Variants in HS3ST1 observed in about 807,000 individuals in gnomAD.
The protein encoded by HS3ST1 is heparan sulfate-glucosamine 3-sulfotransferase 1.
In HS3ST1, 8 loss-of-function variants were observed where a neutral mutation model predicts 20.7. That is an observed-to-expected ratio of 0.39 (90% confidence interval 0.23 to 0.70). The LOEUF is 0.70. Ranked by LOEUF, HS3ST1 falls within the 30% of genes least tolerant of loss-of-function variation. HS3ST1 has a pLI of 0.46. For synonymous variants in HS3ST1, 205 were observed against 190.4 expected, an observed-to-expected ratio of 1.08 and a Z score of -0.63; for missense variants, 436 against 423.4, an observed-to-expected ratio of 1.03 and a Z score of -0.26.
Position 11,410,008 on chromosome 4 carries a change from A to G in HS3ST1, c.-108-9895T>C, listed in dbSNP as rs558658229. 2.0e-5 allele frequency among the ~76,000 whole-genome samples: 3 copies of G among 152,364 alleles called. No individual in the cohort carries two copies. In the South Asian group the frequency reaches 6.2e-4, roughly 32 times the overall value. On this transcript the variant is annotated intron_variant, in intron 1 of 1. Coordinates refer to ENST00000002596, the MANE Select transcript of HS3ST1 (RefSeq NM_005114.4). ...AAAAGTGCTGATTTTTAGGAATCTC[A>G]TAAATGGATATAAGTTGCCAAGTAA...
chr4:11,409,538 C>G (rs766245253), intron 1 of HS3ST1, among the ~76,000 whole-genome samples: 2 of 152,222 alleles, frequency 1.3e-5, no homozygotes, highest in African/African-American at 4.8e-5. Flanking sequence ...TGTGAAGGCA[C>G]AGGCAAAACG....
rs368125915 is a variant in HS3ST1 at position 11,426,139 on chromosome 4, C to T, written c.-109+2560G>A. Among the ~76,000 whole-genome samples, 110 of 152,292 alleles carry T rather than the reference C, an allele frequency of 7.2e-4. 1 individual carries two copies. The South Asian group carries it at 0.021, about 28-fold the overall frequency. ...CTCAATTTCATCAGGACACCAGATA[C>T]ATCTTACTGTGCCTTCCTCCAAACT... is the stretch of plus-strand genomic sequence containing the variant. On this transcript the variant is annotated intron_variant, in intron 1 of 1. Transcript: ENST00000002596.
At chr4:11,425,004 A>G (rs1719026919) in intron 1 of HS3ST1, among the ~76,000 whole-genome samples, 1 of 152,238 alleles carries the variant, frequency 6.6e-6, no homozygotes, top group Admixed American at 6.5e-5. Context: ...AAGAACAGAC[A>G]GGCCTGAATT....
rs533265556 is a variant in HS3ST1, at chr4:11,400,661, T to C, written c.-108-548A>G. ...GTCCCTGGCAAAGGGGCAGGTGATA[T>C]AGAAGCAGGCTTTGTTCCTGCCCCC... On this transcript the variant is annotated intron_variant, in intron 1 of 1. Transcript: ENST00000002596. Among the ~76,000 whole-genome samples the C allele has an allele frequency of 3.9e-5, 6 of 152,298 alleles. No homozygotes were observed. The South Asian group carries it at 8.3e-4, about 21-fold the overall frequency.
At chr4:11,430,533 A>G (rs1719183091), upstream of HS3ST1, among the ~76,000 whole-genome samples, 1 of 152,208 alleles carries the variant, frequency 6.6e-6, no homozygotes, top group Admixed American at 6.5e-5. Context: ...GAGTCCTTCA[A>G]AATACGGGGT....
rs1474638471 is a variant in HS3ST1 at position 11,396,120 on chromosome 4, C to G, written c.*2962G>C. The stretch of plus-strand genomic sequence containing the variant: ...AGCAGCAGGCACGCTAGGCATCGGC[C>G]TCTCCTGCCCTCCATCTCCTTTCAG... On this transcript the variant is annotated 3_prime_UTR_variant, in exon 2 of 2. Transcript: ENST00000002596. 6.6e-6 allele frequency: 1 copy of G among 152,208 alleles called. No homozygotes were observed. Among genetic ancestry groups the G allele is most frequent in the Non-Finnish European group, 1.5e-5 (1 of 68,054 alleles). The allele number at this position is 152,208 out of a possible 1,614,324, so 9.4% of individuals were successfully genotyped here.
Position 11,399,270 on chromosome 4 carries a change from A to G in HS3ST1, c.736T>C (p.Phe246Leu). The G allele has an allele frequency of 1.9e-6, 3 of 1,614,138 alleles. No individual in the cohort carries two copies. The highest frequency in any genetic ancestry group is 2.5e-6 in the Non-Finnish European group (3 of 1,180,026). The change falls in exon 2 of 2, where the codon TTC (phenylalanine) becomes CTC (leucine). Residue 246 changes from phenylalanine to leucine, a missense_variant. Coordinates refer to ENST00000002596, the MANE Select transcript of HS3ST1 (RefSeq NM_005114.4). The surrounding 1 kb of genome is among the most constrained non-coding windows in gnomAD (Gnocchi z 5.1). ...KLSPQINASN[F>L]YFNKTKGFYC... is the part of the protein sequence containing the mutation. Reference sequence around the variant, plus strand: ...AAGCCCTTGGTTTTGTTAAAGTAGAAGTTCGAAGCATTGATCTGCGGCGAC... The same window carrying G: ...AAGCCCTTGGTTTTGTTAAAGTAGAGGTTCGAAGCATTGATCTGCGGCGAC...
At chr4:11,422,946 C>T (rs968226497) in intron 1 of HS3ST1, among the ~76,000 whole-genome samples, 9 of 139,694 alleles carry the variant, frequency 6.4e-5, no homozygotes, top group Non-Finnish European at 1.2e-4. Context: ...TCCCTTGAAC[C>T]CAGGAGGCAG....
At chr4:11,423,238 GCCGGGTACATGGCAGA>G (rs745654867) in intron 1 of HS3ST1, among the ~76,000 whole-genome samples, 33 of 152,202 alleles carry the variant, frequency 2.2e-4, no homozygotes, top group Admixed American at 8.5e-4. Context: ...GTAATGCAAT[GCCGGGTACATGGCAGA>G]CAATAAACGT....
At chr4:11,401,142 G>A (rs1300034172) in intron 1 of HS3ST1, among the ~76,000 whole-genome samples, 1 of 152,094 alleles carries the variant, frequency 6.6e-6, no homozygotes, top group Non-Finnish European at 1.5e-5. Context: ...CATTCATTTT[G>A]CCTAAAATAA....
In HS3ST1 at chr4:11,399,067, T is replaced by G. The variant is rs1718227245; in HGVS notation, c.*15A>C. On this transcript the variant is annotated 3_prime_UTR_variant, in exon 2 of 2. Transcript: ENST00000002596. This position sits in a 1 kb window ranked among gnomAD's most constrained non-coding sequence, Gnocchi z 5.1. ...ACTTACAGTAGGAAAGTTTCTGAGC[T>G]TAGCTTATTGCAAATCAGTGCCAGT... 1 of 1,597,804 alleles carries G rather than the reference T, an allele frequency of 6.3e-7. No homozygotes were observed. The highest frequency in any genetic ancestry group is 1.3e-5 in the African/African-American group (1 of 74,418).
At chr4:11,407,663 A>T (rs934419098) in intron 1 of HS3ST1, among the ~76,000 whole-genome samples, 4 of 152,260 alleles carry the variant, frequency 2.6e-5, no homozygotes, top group Admixed American at 1.3e-4. Context: ...TGGATAAAAA[A>T]TTCGCATGAG....
intron 1 of HS3ST1, among the ~76,000 whole-genome samples, chr4:11,416,725 A>G (rs1434190156): frequency 1.3e-5 from 2 of 152,246 alleles, no homozygotes; most frequent in Admixed American, 6.5e-5. Context: ...GCTTCAGGCC[A>G]GGTGACCACA....
intron 1 of HS3ST1, among the ~76,000 whole-genome samples, chr4:11,402,413 T>G (rs1718349273): frequency 6.6e-6 from 1 of 152,220 alleles, no homozygotes; most frequent in Non-Finnish European, 1.5e-5. Context: ...ATTTTTTTAG[T>G]CAAGTGATGG....
upstream of HS3ST1, among the ~76,000 whole-genome samples, chr4:11,433,542 G>A (rs952212576): frequency 7.2e-5 from 11 of 152,302 alleles, no homozygotes; most frequent in Non-Finnish European, 1.6e-4. Context: ...TACCTTCAGG[G>A]CGATGGAAAA....
In HS3ST1 at chr4:11,398,193, A is replaced by G. The variant is rs937955606; in HGVS notation, c.*889T>C. 2 of 152,242 alleles carry G rather than the reference A, an allele frequency of 1.3e-5. No individual in the cohort carries two copies. Among genetic ancestry groups the G allele is most frequent in the African/African-American group, 4.8e-5 (2 of 41,454 alleles). The allele number at this position is 152,242 out of a possible 1,614,324, so 9.4% of individuals were successfully genotyped here. On this transcript the variant is annotated 3_prime_UTR_variant, in exon 2 of 2. Transcript: ENST00000002596. Reference sequence around the variant, plus strand: ...TATAATGCCAATGTGTCTTTCAGGAAGTAAGCAGACTTTCAGACTAAGCAA... The same window carrying G: ...TATAATGCCAATGTGTCTTTCAGGAGGTAAGCAGACTTTCAGACTAAGCAA...
chr4:11,415,921 G>A (rs1244396787), intron 1 of HS3ST1, among the ~76,000 whole-genome samples: 1 of 152,182 alleles, frequency 6.6e-6, no homozygotes, highest in Non-Finnish European at 1.5e-5. Context: ...CTGCGGAAAT[G>A]TGTGCAGCTA....
At chr4:11,405,638 G>T (rs914491232) in intron 1 of HS3ST1, among the ~76,000 whole-genome samples, 2 of 152,086 alleles carry the variant, frequency 1.3e-5, no homozygotes, top group Non-Finnish European at 2.9e-5. Context: ...AGTAGGAAGA[G>T]AAACTTTAAG....
chr4:11,399,143 T>C lies in HS3ST1; in HGVS notation c.863A>G (p.Tyr288Cys), dbSNP rs746363841. ...GAACTTCTTATTTGGCTCATGAAAATATTCGTGCAGTTTATTGAGTAGTTT... is the reference window on the plus strand; with the variant it reads ...GAACTTCTTATTTGGCTCATGAAAACATTCGTGCAGTTTATTGAGTAGTTT... ...DPKLLNKLHE[Y>C]FHEPNKKFFE... Residue 288 changes from tyrosine (Y) to cysteine (C), a missense_variant, in exon 2 of 2, where the codon TAT becomes TGT. Transcript: ENST00000002596. This position sits in a 1 kb window ranked among gnomAD's most constrained non-coding sequence, Gnocchi z 5.1. 4.3e-6 allele frequency: 7 copies of C among 1,614,118 alleles called. No homozygotes were observed. Among genetic ancestry groups the C allele is most frequent in the Non-Finnish European group, 5.9e-6 (7 of 1,179,980 alleles).
Sources: gnomAD v4.1 joint callset for allele counts (sites outside exome capture counted in the v4.1 genomes callset) on GRCh38, gnomAD v4.1.1 for gene constraint, Gnocchi (gnomAD v3.1) non-coding constraint, MANE v1.5 for transcripts, NCBI Gene and HGNC (gene_info 2026-07-23, HGNC 2026-07-21) for gene names.